ERI3: variants seen among roughly 807,000 people sequenced by gnomAD.
ERI3 encodes ERI1 exoribonuclease 3.
In ERI3, 18 loss-of-function variants were observed where a neutral mutation model predicts 44.4. The ratio of observed to expected loss-of-function variants is 0.41; its 90% CI spans 0.28 to 0.60. The LOEUF is 0.60. Among genes scored for constraint, ERI3 ranks in the 20% least tolerant of loss-of-function variants. The pLI, the probability that ERI3 is intolerant of heterozygous loss-of-function variation, is 0.36. For missense variants in ERI3, 294 were observed against 435.5 expected (o/e 0.68, Z 2.89); for synonymous variants, 183 against 164.8 (o/e 1.11, Z -0.84).
intron 7 of ERI3, among the ~76,000 whole-genome samples, chr1:44,261,900 T>C (rs1644902001): frequency 6.6e-6 from 1 of 152,168 alleles, no homozygotes; most frequent in Admixed American, 6.5e-5. Flanking sequence ...TGCCTAAAGC[T>C]TTCCCAGAGC....
At chr1:44,299,002 T>C (rs1645668078) in intron 6 of ERI3, among the ~76,000 whole-genome samples, 1 of 152,078 alleles carries the variant, frequency 6.6e-6, no homozygotes, top group Non-Finnish European at 1.5e-5. Flanking sequence ...GAACGGTGGT[T>C]AGCTGGCAAG....
In ERI3 at chr1:44,337,498, T is replaced by C. The variant is rs558433430; in HGVS notation, c.489+1547A>G. ...GGAGGCATGGAAGAAGACTACAGTATAGGCAGGAGCCAGAGGCAGAGAACG... is the reference window on the plus strand; with the variant it reads ...GGAGGCATGGAAGAAGACTACAGTACAGGCAGGAGCCAGAGGCAGAGAACG... On this transcript the variant is annotated intron_variant, in intron 3 of 8. Coordinates refer to ENST00000372257, the MANE Select transcript of ERI3 (RefSeq NM_024066.3). Among the ~76,000 whole-genome samples the C allele has an allele frequency of 5.9e-5, 9 of 152,280 alleles. No individual in the cohort carries two copies. In the South Asian group the frequency reaches 1.5e-3, roughly 25 times the overall value.
intron 8 of ERI3, among the ~76,000 whole-genome samples, chr1:44,224,073 C>T (rs1482180371): frequency 1.3e-5 from 2 of 152,158 alleles, no homozygotes; most frequent in African/African-American, 4.8e-5. Context: ...GTCATGTTGC[C>T]ACTTTGCCCT....
At chr1:44,289,232 A>G (rs1406821019) in intron 6 of ERI3, among the ~76,000 whole-genome samples, 1 of 152,212 alleles carries the variant, frequency 6.6e-6, no homozygotes, top group East Asian at 1.9e-4. Context: ...AGCTTCATGA[A>G]TGCAAGAGGC....
intron 6 of ERI3, among the ~76,000 whole-genome samples, chr1:44,294,784 A>C (rs982868012): frequency 6.6e-6 from 1 of 152,238 alleles, no homozygotes; most frequent in Non-Finnish European, 1.5e-5. Context: ...GGAAACCAGG[A>C]GCTCCTTAGC....
chr1:44,292,954 T>C (rs1645538830), intron 6 of ERI3, among the ~76,000 whole-genome samples: 1 of 152,112 alleles, frequency 6.6e-6, no homozygotes, highest in Non-Finnish European at 1.5e-5. Flanking sequence ...GCTTTAAATA[T>C]CAGTGTGCGT....
chr1:44,296,421 A>T (rs1245879106), intron 6 of ERI3, among the ~76,000 whole-genome samples: 1 of 152,154 alleles, frequency 6.6e-6, no homozygotes, highest in Non-Finnish European at 1.5e-5. Flanking sequence ...CACATACACC[A>T]GGAACATTAT....
rs569413189 is a variant in ERI3 at position 44,241,481 on chromosome 1, A to G, written c.931+6458T>C. Reference sequence around the variant, plus strand: ...CACACACTTCACTGACTCTTGCTCTAACACTCCCACCCACCCCCAGCCCAT... The same window carrying G: ...CACACACTTCACTGACTCTTGCTCTGACACTCCCACCCACCCCCAGCCCAT... On this transcript the variant is annotated intron_variant, in intron 8 of 8. Coordinates refer to ENST00000372257, the MANE Select transcript of ERI3 (RefSeq NM_024066.3). This position sits in a 1 kb window ranked among gnomAD's most constrained non-coding sequence, Gnocchi z 5.6. Among the ~76,000 whole-genome samples the G allele has an allele frequency of 3.6e-4, 55 of 152,020 alleles. No individual in the cohort carries two copies. Among genetic ancestry groups the G allele is most frequent in the Non-Finnish European group, 6.9e-4 (47 of 68,000 alleles).
intron 6 of ERI3, among the ~76,000 whole-genome samples, chr1:44,297,944 A>G (rs955314203): frequency 6.6e-6 from 1 of 152,266 alleles, no homozygotes. Flanking sequence ...CAATATCAGC[A>G]GAAAAGGAAG....
chr1:44,242,634 G>C (rs527669921), intron 8 of ERI3, among the ~76,000 whole-genome samples: 1 of 152,316 alleles, frequency 6.6e-6, no homozygotes, highest in Admixed American at 6.5e-5. Context: ...AGAGGGGCTT[G>C]AGGCTTCCCA....
chr1:44,320,750 T>TCA (rs1448011232), intron 3 of ERI3, among the ~76,000 whole-genome samples: 3 of 152,012 alleles, frequency 2.0e-5, no homozygotes, highest in African/African-American at 7.2e-5. Context: ...AAAACATGAA[T>TCA]GGAATTAGTT....
intron 7 of ERI3, among the ~76,000 whole-genome samples, chr1:44,250,397 T>TTAGA (rs1249292824): frequency 6.6e-6 from 1 of 152,080 alleles, no homozygotes; most frequent in Non-Finnish European, 1.5e-5. Context: ...GTCACCGTGA[T>TTAGA]TAGATTATTA....
intron 3 of ERI3, among the ~76,000 whole-genome samples, chr1:44,335,631 T>C (rs542427531): frequency 1.8e-4 from 28 of 152,096 alleles, no homozygotes; most frequent in African/African-American, 6.7e-4. Flanking sequence ...TGGTGGCGCA[T>C]GCCTGTAATC....
chr1:44,295,769 T>A (rs1450797066), intron 6 of ERI3, among the ~76,000 whole-genome samples: 3 of 152,208 alleles, frequency 2.0e-5, no homozygotes, highest in Non-Finnish European at 4.4e-5. Flanking sequence ...GGCCAATCTT[T>A]GGGAAAAATG....
intron 1 of ERI3, 120 bp from the exon 2 acceptor site, chr1:44,353,045 C>A: frequency 1.3e-6 from 2 of 1,535,654 alleles, no homozygotes; most frequent in South Asian, 1.3e-5. Flanking sequence ...TATCTATGTG[C>A]AAAGACAGTG....
At chr1:44,237,284 G>C (rs896433140) in intron 8 of ERI3, among the ~76,000 whole-genome samples, 24 of 152,180 alleles carry the variant, frequency 1.6e-4, no homozygotes, top group Non-Finnish European at 7.3e-5. Context: ...ATTGGCCTGG[G>C]CACCCAGAAG....
At chr1:44,335,575 C>T (rs2154330833) in intron 3 of ERI3, among the ~76,000 whole-genome samples, 1 of 152,068 alleles carries the variant, frequency 6.6e-6, no homozygotes, top group East Asian at 1.9e-4. Context: ...GCCTGACCAA[C>T]ATGGAGAAAG....
chr1:44,227,235 C>T (rs1644067716), intron 8 of ERI3, among the ~76,000 whole-genome samples: 1 of 152,180 alleles, frequency 6.6e-6, no homozygotes, highest in Non-Finnish European at 1.5e-5. Flanking sequence ...TGGTAACACA[C>T]TTTATTACTG....
chr1:44,341,000 A>G (rs1214532656), intron 2 of ERI3, among the ~76,000 whole-genome samples: 2 of 152,230 alleles, frequency 1.3e-5, no homozygotes, highest in East Asian at 1.9e-4. Flanking sequence ...GTTTGGATCC[A>G]AAGTCCCTCA....
Sources: gnomAD v4.1 joint callset for allele counts (sites outside exome capture counted in the v4.1 genomes callset) on GRCh38, gnomAD v4.1.1 for gene constraint, Gnocchi (gnomAD v3.1) non-coding constraint, MANE v1.5 for transcripts, NCBI Gene and HGNC (gene_info 2026-07-23, HGNC 2026-07-21) for gene names.